The following GRID2 variants were observed in gnomAD, a reference collection of about 807,000 sequenced individuals.
The protein encoded by GRID2 is glutamate receptor ionotropic, delta-2.
GRID2 carries 33 observed loss-of-function variants against 114.8 expected under a neutral mutation model. The ratio of observed to expected loss-of-function variants is 0.29; its 90% CI spans 0.22 to 0.38. The LOEUF (loss-of-function observed/expected upper bound fraction) is 0.38, where lower values mean the gene tolerates loss of function less well. Among genes scored for constraint, GRID2 ranks in the 10% least tolerant of loss-of-function variants. The pLI, the probability that GRID2 is intolerant of heterozygous loss-of-function variation, is 1.00. For synonymous variants in GRID2, 505 were observed against 449.9 expected (o/e 1.12, Z -1.55); for missense variants, 1,184 against 1,257.7 (o/e 0.94, Z 0.89).
At chr4:92,388,426 C>T (rs1326991208) in intron 1 of GRID2, among the ~76,000 whole-genome samples, 2 of 151,974 alleles carry the variant, frequency 1.3e-5, no homozygotes, top group Non-Finnish European at 2.9e-5. Flanking sequence ...CATTTACCTT[C>T]CCACTGCCTC....
Position 93,395,719 on chromosome 4 carries a change from T to C in GRID2, c.1347+11T>C. The C allele has an allele frequency of 1.6e-6, 2 of 1,220,120 alleles. No individual in the cohort carries two copies. Among genetic ancestry groups the C allele is most frequent in the Non-Finnish European group, 2.4e-6 (2 of 825,696 alleles). The allele number at this position is 1,220,120 out of a possible 1,614,324, so 75.6% of individuals were successfully genotyped here. A position where few individuals can be genotyped will look rare whatever the true frequency, so the allele number is the denominator to read the frequency against. ...GTAGTAACTGTTCTGGTAAGTATTA[T>C]CTGAGCCTCGTGGTTTTGACTTTTG... On this transcript the variant is annotated intron_variant, in intron 9 of 15. Coordinates refer to ENST00000282020, the MANE Select transcript of GRID2 (RefSeq NM_001510.4).
chr4:93,666,768 T>A (rs1578516319), intron 14 of GRID2, among the ~76,000 whole-genome samples: 1 of 152,054 alleles, frequency 6.6e-6, no homozygotes, highest in East Asian at 1.9e-4. Context: ...CTAAGTAGCT[T>A]CTCAGATAAT....
At chr4:92,739,002 T>C (rs17324164) in intron 2 of GRID2, among the ~76,000 whole-genome samples, 3,992 of 152,190 alleles carry the variant, frequency 0.026, 81 homozygotes, top group Non-Finnish European at 0.04. Context: ...CATCCATTGC[T>C]GAACAGAAGA....
At position 93,127,253 on chromosome 4, in the gene GRID2, T is replaced by C. The variant is rs78415704; in HGVS notation, c.735+16300T>C. Among the ~76,000 whole-genome samples the C allele has an allele frequency of 5.2e-4, 79 of 152,320 alleles. 1 individual carries two copies. In the East Asian group the frequency reaches 0.012, roughly 22 times the overall value. On this transcript the variant is annotated intron_variant, in intron 4 of 15. Coordinates refer to ENST00000282020, the MANE Select transcript of GRID2 (RefSeq NM_001510.4). ...TGAAATGCATTTTTTTTGGAGTTAC[T>C]TGGTTTCCAAGTGACATTTAACTCC... is the stretch of plus-strand genomic sequence containing the variant.
At chr4:92,308,545 A>T (rs1241041499) in intron 1 of GRID2, among the ~76,000 whole-genome samples, 1 of 152,160 alleles carries the variant, frequency 6.6e-6, no homozygotes, top group East Asian at 1.9e-4. Flanking sequence ...AACCTAAGAT[A>T]ATCCACAGAA....
Position 92,576,748 on chromosome 4 carries a change from A to T in GRID2, c.89-13383A>T, listed in dbSNP as rs572052499. Reference sequence around the variant, plus strand: ...TGTGGTAGAAGTGTGGTTTCCTGGGATCACACAATCACTCATCGCTTCCCT... The same window carrying T: ...TGTGGTAGAAGTGTGGTTTCCTGGGTTCACACAATCACTCATCGCTTCCCT... On this transcript the variant is annotated intron_variant, in intron 1 of 15. Transcript: ENST00000282020. Among the ~76,000 whole-genome samples the T allele has an allele frequency of 5.9e-5, 9 of 152,164 alleles. No individual in the cohort carries two copies. The East Asian group carries it at 1.8e-3, about 30-fold the overall frequency.
At chr4:93,075,829 T>C (rs764126924) in intron 2 of GRID2, among the ~76,000 whole-genome samples, 7 of 149,732 alleles carry the variant, frequency 4.7e-5, no homozygotes, top group Non-Finnish European at 1.0e-4. Flanking sequence ...AAGTTATGTA[T>C]AATGCTTATG....
intron 8 of GRID2, among the ~76,000 whole-genome samples, chr4:93,366,188 C>T (rs543794083): frequency 1.3e-5 from 2 of 152,282 alleles, no homozygotes; most frequent in African/African-American, 4.8e-5. Context: ...ACTCTGACTG[C>T]CTGTGAGCCG....
At chr4:93,556,169 G>C (rs1022713873) in intron 13 of GRID2, among the ~76,000 whole-genome samples, 3 of 152,156 alleles carry the variant, frequency 2.0e-5, no homozygotes, top group African/African-American at 7.2e-5. Context: ...GCATGAAAAG[G>C]CTGAAAATTT....
intron 2 of GRID2, among the ~76,000 whole-genome samples, chr4:92,974,275 G>A (rs1269503212): frequency 4.6e-5 from 7 of 152,124 alleles, no homozygotes; most frequent in Admixed American, 4.6e-4. Flanking sequence ...GGAAGACAGT[G>A]TGGCAATTCC....
intron 1 of GRID2, among the ~76,000 whole-genome samples, chr4:92,305,496 G>C (rs1010219463): frequency 6.6e-6 from 1 of 152,132 alleles, no homozygotes; most frequent in Non-Finnish European, 1.5e-5. Context: ...GGCTGCTCCC[G>C]AGGTCTGCTT....
intron 2 of GRID2, among the ~76,000 whole-genome samples, chr4:92,938,530 A>G (rs1344386503): frequency 3.4e-5 from 5 of 146,246 alleles, no homozygotes; most frequent in African/African-American, 1.2e-4. Context: ...CTAGCTATGT[A>G]ATATTAAGAT....
chr4:92,323,105 T>TA (rs1353960786), intron 1 of GRID2, among the ~76,000 whole-genome samples: 2 of 152,092 alleles, frequency 1.3e-5, no homozygotes, highest in Admixed American at 6.6e-5. Context: ...TACTGTTTTT[T>TA]AAAAATGTAA....
intron 2 of GRID2, among the ~76,000 whole-genome samples, chr4:92,769,908 C>G (rs527452783): frequency 6.6e-6 from 1 of 152,308 alleles, no homozygotes; most frequent in Non-Finnish European, 1.5e-5. Flanking sequence ...GAGACATTTT[C>G]TCCATTGTCT....
In GRID2 at chr4:93,389,709, A is replaced by C. The variant is rs562903736; in HGVS notation, c.1246-5898A>C. ...TTAGCTTTCACAAAGGAAACCAGTC[A>C]AAATAATGACTTTATTAAAAGAGGT... On this transcript the variant is annotated intron_variant, in intron 8 of 15. Transcript: ENST00000282020. Among the ~76,000 whole-genome samples the C allele has an allele frequency of 4.6e-5, 7 of 152,344 alleles. No homozygotes were observed. The South Asian group carries it at 1.4e-3, about 32-fold the overall frequency.
At chr4:93,570,702 A>G (rs115535651) in intron 13 of GRID2, among the ~76,000 whole-genome samples, 3 of 152,304 alleles carry the variant, frequency 2.0e-5, no homozygotes, top group Admixed American at 6.5e-5. Flanking sequence ...TAAGAACTAC[A>G]TTAAAAATAA....
At chr4:93,592,134 T>C (rs554609428) in intron 13 of GRID2, among the ~76,000 whole-genome samples, 23 of 152,316 alleles carry the variant, frequency 1.5e-4, no homozygotes, top group African/African-American at 4.8e-4. Context: ...TTCTAGTTCT[T>C]TTAATTGTGA....
At chr4:92,816,125 A>G (rs1457206128) in intron 2 of GRID2, among the ~76,000 whole-genome samples, 1 of 151,134 alleles carries the variant, frequency 6.6e-6, no homozygotes, top group Non-Finnish European at 1.5e-5. Flanking sequence ...AGATCAGCCT[A>G]GGCAACATGG....
At chr4:93,093,925 C>T (rs1414786509) in intron 3 of GRID2, among the ~76,000 whole-genome samples, 1 of 152,080 alleles carries the variant, frequency 6.6e-6, no homozygotes, top group Non-Finnish European at 1.5e-5. Flanking sequence ...TAGCTACTAT[C>T]AAGTTCAACC....
Sources: gnomAD v4.1 joint callset for allele counts (sites outside exome capture counted in the v4.1 genomes callset) on GRCh38, gnomAD v4.1.1 for gene constraint, MANE v1.5 for transcripts, NCBI Gene and HGNC (gene_info 2026-07-23, HGNC 2026-07-21) for gene names.